The following PRKD1 variants were observed in gnomAD, a reference collection of about 807,000 sequenced individuals.
The protein encoded by PRKD1 is serine/threonine-protein kinase D1.
In PRKD1, 63 loss-of-function variants were observed where a neutral mutation model predicts 95.9. That is an observed-to-expected ratio of 0.66 (90% CI 0.54 to 0.81). The LOEUF is 0.81. PRKD1 is among the 30% of genes least tolerant of loss of function. The probability of loss-of-function intolerance (pLI) is 0.00; values close to 1 mark genes in which losing one functional copy is unlikely to be tolerated. For synonymous variants in PRKD1, 425 were observed against 423.1 expected (o/e 1.00, Z -0.05); for missense variants, 1,048 against 1,165.3 (o/e 0.90, Z 1.47).
chr14:29,639,204 A>G (rs943034905), intron 4 of PRKD1, among the ~76,000 whole-genome samples: 1 of 152,224 alleles, frequency 6.6e-6, no homozygotes, highest in Admixed American at 6.5e-5. Context: ...ACAGAAATAT[A>G]AAGTTGGAGT....
chr14:29,829,494 T>C (rs950063174), intron 1 of PRKD1, among the ~76,000 whole-genome samples: 1 of 152,200 alleles, frequency 6.6e-6, no homozygotes, highest in African/African-American at 2.4e-5. Context: ...TTAATCTTTT[T>C]GATGATGTGC....
intron 1 of PRKD1, among the ~76,000 whole-genome samples, chr14:29,745,960 A>G (rs1052299572): frequency 6.6e-6 from 1 of 152,138 alleles, no homozygotes; most frequent in African/African-American, 2.4e-5. Flanking sequence ...AATGACCTGT[A>G]TTTACTGGGA....
chr14:29,910,005 A>C (rs1342140926), intron 1 of PRKD1, among the ~76,000 whole-genome samples: 2 of 152,178 alleles, frequency 1.3e-5, no homozygotes, highest in African/African-American at 2.4e-5. Flanking sequence ...AAATGGACCA[A>C]TCAGCAGAGT....
At chr14:29,802,111 G>A (rs985973423) in intron 1 of PRKD1, among the ~76,000 whole-genome samples, 2 of 152,206 alleles carry the variant, frequency 1.3e-5, no homozygotes, top group East Asian at 1.9e-4. Context: ...AAGGGAGAGA[G>A]GGTGGGAAAG....
intron 2 of PRKD1, among the ~76,000 whole-genome samples, chr14:29,667,183 CAGA>C (rs1882570213): frequency 6.6e-6 from 1 of 152,190 alleles, no homozygotes; most frequent in South Asian, 2.1e-4. Flanking sequence ...ACCTGGCAGG[CAGA>C]AGACCTGGGG....
chr14:29,732,379 A>T (rs1409046038), intron 1 of PRKD1, among the ~76,000 whole-genome samples: 1 of 151,888 alleles, frequency 6.6e-6, no homozygotes, highest in East Asian at 1.9e-4. Context: ...TTTCACACAC[A>T]ATGACCTTAA....
In PRKD1 at chr14:29,801,784, G is replaced by T. The variant is rs554767568; in HGVS notation, c.265-76110C>A. 8.3e-4 allele frequency among the ~76,000 whole-genome samples: 126 copies of T among 152,280 alleles called. 2 individuals are homozygous for T. In the South Asian group the frequency reaches 0.012, roughly 14 times the overall value. ...GCTCATCGCAACCTCCGCCTCCCAGGTTCAAGCGTTTCTCCTGCCTCAGCA... is the reference window on the plus strand; with the variant it reads ...GCTCATCGCAACCTCCGCCTCCCAGTTTCAAGCGTTTCTCCTGCCTCAGCA... On this transcript the variant is annotated intron_variant, in intron 1 of 17. Transcript: ENST00000331968.
In PRKD1 at chr14:29,673,565, C is replaced by T. The variant is rs558397147; in HGVS notation, c.404-7357G>A. On this transcript the variant is annotated intron_variant, in intron 2 of 17. Coordinates refer to ENST00000331968, the MANE Select transcript of PRKD1 (RefSeq NM_002742.3). ...AATGTATCACTGAATATTGCCACCC[C>T]TTAATTGTTTATCTGTTCACACATA... Among the ~76,000 whole-genome samples, 37 of 152,324 alleles carry T rather than the reference C, an allele frequency of 2.4e-4. No homozygotes were observed. The East Asian group carries it at 6.6e-3, about 27-fold the overall frequency.
chr14:29,818,138 C>G (rs1400399047), intron 1 of PRKD1, among the ~76,000 whole-genome samples: 1 of 152,102 alleles, frequency 6.6e-6, no homozygotes, highest in Non-Finnish European at 1.5e-5. Flanking sequence ...GAAAGATGAC[C>G]ATGCTTGGAA....
chr14:29,763,455 A>G (rs1594495072), intron 1 of PRKD1, among the ~76,000 whole-genome samples: 5 of 72,120 alleles, frequency 6.9e-5, no homozygotes, highest in African/African-American at 1.7e-4. Context: ...AGGGGAGTGG[A>G]AAGGAGGGAA....
intron 1 of PRKD1, among the ~76,000 whole-genome samples, chr14:29,895,593 A>T (rs1894094820): frequency 6.6e-6 from 1 of 151,998 alleles, no homozygotes; most frequent in Non-Finnish European, 1.5e-5. Flanking sequence ...TGGAGTCCTG[A>T]AGTGTCCCGC....
intron 3 of PRKD1, 84 bp downstream of exon 3, chr14:29,665,993 C>T (rs45617633): frequency 1.2e-5 from 17 of 1,403,186 alleles, no homozygotes; most frequent in South Asian, 5.4e-5. Flanking sequence ...TTAGCTTTTA[C>T]GTATCTTTGC....
Position 29,764,112 on chromosome 14 carries a change from G to A in PRKD1, c.265-38438C>T, listed in dbSNP as rs116972553. Among the ~76,000 whole-genome samples the A allele has an allele frequency of 5.7e-4, 87 of 151,836 alleles. 1 individual carries two copies. In the East Asian group the frequency reaches 0.013, roughly 22 times the overall value. On this transcript the variant is annotated intron_variant, in intron 1 of 17. Coordinates refer to ENST00000331968, the MANE Select transcript of PRKD1 (RefSeq NM_002742.3). The stretch of plus-strand genomic sequence containing the variant: ...CCTGGGGAGAATTTTAAAAGCATAC[G>A]GGTCTTATCCTAGAGATAGACTCAG...
chr14:29,714,420 A>T (rs1241854243), intron 2 of PRKD1, among the ~76,000 whole-genome samples: 2 of 152,200 alleles, frequency 1.3e-5, no homozygotes, highest in East Asian at 3.9e-4. Flanking sequence ...ACCATCTCAC[A>T]CCAGTTAGAA....
rs556452659 is a variant in PRKD1 at position 29,600,144 on chromosome 14, A to G, written c.1906-327T>C. Among the ~76,000 whole-genome samples, 216 of 152,328 alleles carry G rather than the reference A, an allele frequency of 1.4e-3. 4 individuals carry two copies. Among genetic ancestry groups the G allele is most frequent in the Non-Finnish European group, 2.8e-4 (19 of 68,030 alleles). ...CTTAGGATCATCCCCAATATTAAAC[A>G]TATTGTCCTAACTAAGCATACTAGG... On this transcript the variant is annotated intron_variant, in intron 13 of 17. Transcript: ENST00000331968.
chr14:29,670,670 A>G (rs1882787650), intron 2 of PRKD1, among the ~76,000 whole-genome samples: 1 of 152,064 alleles, frequency 6.6e-6, no homozygotes, highest in Non-Finnish European at 1.5e-5. Flanking sequence ...TTGTAAAACT[A>G]AGCTTGCACA....
chr14:29,885,268 C>A (rs1428299591), intron 1 of PRKD1, among the ~76,000 whole-genome samples: 1 of 152,064 alleles, frequency 6.6e-6, no homozygotes, highest in Non-Finnish European at 1.5e-5. Context: ...AAAATAGTAT[C>A]CTTTGTAAGC....
intron 1 of PRKD1, among the ~76,000 whole-genome samples, chr14:29,794,715 C>T (rs142989945): frequency 5.2e-4 from 79 of 152,070 alleles, no homozygotes; most frequent in Non-Finnish European, 9.7e-4. Flanking sequence ...CCCGTGCTCC[C>T]TATGTATATG....
intron 4 of PRKD1, among the ~76,000 whole-genome samples, chr14:29,652,192 G>C (rs1037912678): frequency 4.6e-5 from 7 of 152,284 alleles, no homozygotes; most frequent in South Asian, 2.1e-4. Flanking sequence ...ACAGTGGAAG[G>C]CTCTGTTTTG....
Sources: gnomAD v4.1 joint callset for allele counts (sites outside exome capture counted in the v4.1 genomes callset) on GRCh38, gnomAD v4.1.1 for gene constraint, MANE v1.5 for transcripts, NCBI Gene and HGNC (gene_info 2026-07-23, HGNC 2026-07-21) for gene names.